SPECC1: variants seen among roughly 807,000 people sequenced by gnomAD.
SPECC1 encodes sperm antigen with calponin homology and coiled-coil domains 1, also known as cytospin-B.
In SPECC1, 62 loss-of-function variants were observed where a neutral mutation model predicts 104.1. The ratio of observed to expected loss-of-function variants is 0.60; its 90% CI spans 0.49 to 0.74. SPECC1 has a LOEUF of 0.74. SPECC1 is among the 30% of genes least tolerant of loss of function. SPECC1 has a pLI of 0.00. For synonymous variants in SPECC1, 513 were observed against 501.6 expected, an observed-to-expected ratio of 1.02 and a Z score of -0.30; for missense variants, 1,306 against 1,310.5, an observed-to-expected ratio of 1.00 and a Z score of 0.05.
intron 3 of SPECC1, among the ~76,000 whole-genome samples, chr17:20,187,772 C>T (rs931185875): frequency 6.6e-6 from 1 of 152,124 alleles, no homozygotes; most frequent in Non-Finnish European, 1.5e-5. Context: ...TCAGAGGGAC[C>T]TTGGTAAATC....
intron 14 of SPECC1, among the ~76,000 whole-genome samples, chr17:20,309,036 C>T (rs767194509): frequency 1.1e-4 from 16 of 152,122 alleles, no homozygotes; most frequent in African/African-American, 4.8e-5. Flanking sequence ...TCCTAATTGT[C>T]AGAGCCAGGG....
chr17:20,285,819 C>CT (rs112146667), intron 12 of SPECC1, among the ~76,000 whole-genome samples: 7,849 of 140,202 alleles, frequency 0.056, 444 homozygotes, highest in African/African-American at 0.14. Context: ...TCCTTCCTTC[C>CT]TTTTTTTTTT....
intron 1 of SPECC1, among the ~76,000 whole-genome samples, chr17:20,085,363 C>T (rs937238405): frequency 3.3e-5 from 5 of 152,274 alleles, no homozygotes; most frequent in East Asian, 1.9e-4. Context: ...TAGGGGGCAG[C>T]GGAAGTGCTG....
chr17:20,306,103 C>G (rs1201165054), intron 14 of SPECC1, 21 bp downstream of exon 14: 4 of 1,604,536 alleles, frequency 2.5e-6, no homozygotes, highest in South Asian at 2.2e-5. Context: ...TATTTTGTAT[C>G]CTTGTGATAC....
Position 20,215,537 on chromosome 17 carries a change from GA to G in SPECC1, c.1863+9627del, listed in dbSNP as rs201663214. Among the ~76,000 whole-genome samples, 105 of 152,256 alleles carry G rather than the reference GA, an allele frequency of 6.9e-4. 1 individual carries two copies. In the East Asian group the frequency reaches 0.017, roughly 25 times the overall value. ...CTTTAATGTTACTGGAATTTACTCA[GA>G]ACTTATTATAGTGATCTCATTCTGT... On this transcript the variant is annotated intron_variant, in intron 4 of 14. Transcript: ENST00000395527.
chr17:20,163,129 A>T (rs951554705), intron 3 of SPECC1, among the ~76,000 whole-genome samples: 1 of 152,248 alleles, frequency 6.6e-6, no homozygotes, highest in Non-Finnish European at 1.5e-5. Flanking sequence ...AATAAATGTC[A>T]GTGGGTTAAG....
intron 3 of SPECC1, among the ~76,000 whole-genome samples, chr17:20,188,572 C>T (rs549556449): frequency 2.5e-4 from 38 of 152,136 alleles, no homozygotes; most frequent in Middle Eastern, 6.8e-3. Flanking sequence ...CCACCGTGCC[C>T]GGCTTGTATT....
chr17:20,088,525 T>A (rs4925080), intron 1 of SPECC1, among the ~76,000 whole-genome samples: 82,224 of 151,552 alleles, frequency 0.54, 22,829 homozygotes, highest in Middle Eastern at 0.62. Context: ...TGGGAGTATC[T>A]CATCAGAAAG....
intron 12 of SPECC1, among the ~76,000 whole-genome samples, chr17:20,270,017 A>G (rs1030892028): frequency 6.6e-6 from 1 of 152,122 alleles, no homozygotes; most frequent in African/African-American, 2.4e-5. Flanking sequence ...CAAAATCTAC[A>G]TCTTGTATGA....
intron 3 of SPECC1, among the ~76,000 whole-genome samples, chr17:20,162,238 C>T (rs55868133): frequency 0.013 from 2,019 of 152,192 alleles, 27 homozygotes; most frequent in Non-Finnish European, 0.022. Flanking sequence ...CTCCACCTCC[C>T]GGGTTCACGC....
chr17:20,140,634 C>A (rs2030661936), intron 3 of SPECC1, among the ~76,000 whole-genome samples: 1 of 152,188 alleles, frequency 6.6e-6, no homozygotes, highest in Non-Finnish European at 1.5e-5. Flanking sequence ...ATGATGGGAG[C>A]ATGAGTGCCC....
Position 20,318,462 on chromosome 17 carries a change from A to C in SPECC1, c.*4397A>C, listed in dbSNP as rs182344386. The stretch of plus-strand genomic sequence containing the variant: ...GTGTTAGATAAAAACACACATCCCC[A>C]GGGGACAAGCCATCCAGCGGTGAGG... On this transcript the variant is annotated 3_prime_UTR_variant, in exon 15 of 15. Coordinates refer to ENST00000395527, the MANE Select transcript of SPECC1 (RefSeq NM_001243439.2). 4.3e-6 allele frequency: 1 copy of C among 231,616 alleles called. No individual in the cohort carries two copies. Among genetic ancestry groups the C allele is most frequent in the Non-Finnish European group, 8.5e-6 (1 of 117,106 alleles). The allele number at this position is 231,616 out of a possible 1,614,324, so 14.3% of individuals were successfully genotyped here.
At chr17:20,018,600 C>G (rs1383297723) in intron 1 of SPECC1, among the ~76,000 whole-genome samples, 1 of 152,188 alleles carries the variant, frequency 6.6e-6, no homozygotes, top group Non-Finnish European at 1.5e-5. Context: ...CCCCCAGGAC[C>G]ATGCTCAGAT....
At chr17:20,108,232 A>AG (rs1352960443) in intron 2 of SPECC1, among the ~76,000 whole-genome samples, 1 of 151,208 alleles carries the variant, frequency 6.6e-6, no homozygotes, top group Non-Finnish European at 1.5e-5. Context: ...TACAAAAAAA[A>AG]GGAAAAAAAA....
rs371289652 is a variant in SPECC1 at position 20,066,911 on chromosome 17, ATTTTTTT to A, written c.-21-29706_-21-29700del. 5.8e-4 allele frequency among the ~76,000 whole-genome samples: 70 copies of A among 120,112 alleles called. 1 individual carries two copies. Among genetic ancestry groups the A allele is most frequent in the African/African-American group, 1.8e-3 (55 of 30,596 alleles). The allele number at this position is 120,112 out of a possible 152,430, so 78.8% of individuals were successfully genotyped here. A position where few individuals can be genotyped will look rare whatever the true frequency, so the allele number is the denominator to read the frequency against. ...CATACCACCACACCTGGCTAATCAA[ATTTTTTT>A]TTTTTTTTTTTTTGGTAGAGATAAG... is the stretch of plus-strand genomic sequence containing the variant. On this transcript the variant is annotated intron_variant, in intron 1 of 14. Transcript: ENST00000395527.
chr17:20,227,537 A>C lies in SPECC1; in HGVS notation c.1988A>C (p.Glu663Ala). 1.2e-6 allele frequency: 2 copies of C among 1,613,096 alleles called. No homozygotes were observed. The highest frequency in any genetic ancestry group is 1.1e-5 in the South Asian group (1 of 90,966). ...ESDAEIKDMK[E>A]TIFELEDQVE... Reference sequence around the variant, plus strand: ...GATGCAGAGATCAAAGACATGAAAGAAACCATATTTGAATTGGAAGATCAG... The same window carrying C: ...GATGCAGAGATCAAAGACATGAAAGCAACCATATTTGAATTGGAAGATCAG... The change falls in exon 5 of 15, where the codon GAA becomes GCA. Residue 663 changes from glutamate to alanine, a missense_variant. Glu to Ala is a moderately radical substitution (Grantham distance 107, BLOSUM62 -1). This residue lies in a region of SPECC1 where 1,177 missense variants were observed against 1,139.9 expected (regional missense o/e 1.03). Coordinates refer to ENST00000395527, the MANE Select transcript of SPECC1 (RefSeq NM_001243439.2).
At chr17:20,086,845 A>G (rs2047198201) in intron 1 of SPECC1, among the ~76,000 whole-genome samples, 2 of 152,144 alleles carry the variant, frequency 1.3e-5, no homozygotes, top group Admixed American at 1.3e-4. Flanking sequence ...TAGAGCACAC[A>G]GAGGTTTTGC....
In SPECC1 at chr17:20,204,290, T is replaced by A. The variant is rs531744764; in HGVS notation, c.284-43T>A. The stretch of plus-strand genomic sequence containing the variant: ...GTCATTTGGGTTTTGTTTATAAGAA[T>A]GCTTGCTTTATTTTTTCATTTTTTT... On this transcript the variant is annotated intron_variant, in intron 3 of 14. Transcript: ENST00000395527. 2.5e-6 allele frequency: 4 copies of A among 1,569,716 alleles called. No homozygotes were observed. In the Admixed American group the frequency reaches 7.5e-5, roughly 29 times the overall value.
intron 3 of SPECC1, among the ~76,000 whole-genome samples, chr17:20,134,398 T>C (rs2049816778): frequency 7.1e-6 from 1 of 140,164 alleles, no homozygotes; most frequent in African/African-American, 2.6e-5. Context: ...AACCCACCCC[T>C]CTGCATGACT....
Sources: gnomAD v4.1 joint callset for allele counts (sites outside exome capture counted in the v4.1 genomes callset) on GRCh38, gnomAD v4.1.1 for gene constraint, gnomAD v4.1.1 regional missense constraint, MANE v1.5 for transcripts, NCBI Gene and HGNC (gene_info 2026-07-23, HGNC 2026-07-21) for gene names.